CHRM2: variants seen among roughly 807,000 people sequenced by gnomAD.
CHRM2 encodes cholinergic receptor muscarinic 2.
A neutral mutation model predicts 25.0 loss-of-function variants in CHRM2; 8 were observed. The observed-to-expected ratio is 0.32, with a 90% CI of 0.19 to 0.58. The LOEUF (loss-of-function observed/expected upper bound fraction) is 0.58, where lower values mean the gene tolerates loss of function less well. Among genes scored for constraint, CHRM2 ranks in the 20% least tolerant of loss-of-function variants. The pLI, the probability that CHRM2 is intolerant of heterozygous loss-of-function variation, is 0.88. For missense variants in CHRM2, 440 were observed against 567.1 expected, an observed-to-expected ratio of 0.78 and a Z score of 2.28; for synonymous variants, 202 against 205.7, an observed-to-expected ratio of 0.98 and a Z score of 0.15.
chr7:136,962,041 C>T (rs780811014), intron 2 of CHRM2, among the ~76,000 whole-genome samples: 16 of 152,158 alleles, frequency 1.1e-4, no homozygotes, highest in Non-Finnish European at 2.2e-4. Context: ...GGAAAAGGAA[C>T]GACTGGAGGG....
At chr7:136,961,437 T>C (rs1384198618) in intron 2 of CHRM2, among the ~76,000 whole-genome samples, 1 of 152,212 alleles carries the variant, frequency 6.6e-6, no homozygotes, top group Admixed American at 6.5e-5. Flanking sequence ...TGTACTATAT[T>C]GTAAAATGTT....
chr7:136,999,927 T>C (rs548016573), intron 3 of CHRM2, among the ~76,000 whole-genome samples: 210 of 152,194 alleles, frequency 1.4e-3, no homozygotes, highest in Non-Finnish European at 2.2e-3. Flanking sequence ...TTCATGAAAA[T>C]TGTTATTATA....
intron 2 of CHRM2, among the ~76,000 whole-genome samples, chr7:136,930,648 A>T (rs1319622473): frequency 2.0e-5 from 3 of 151,994 alleles, no homozygotes; most frequent in Non-Finnish European, 4.4e-5. Context: ...CTGTAATCCC[A>T]GCACTTTGGG....
intron 2 of CHRM2, among the ~76,000 whole-genome samples, chr7:136,888,517 A>G (rs552819027): frequency 3.0e-4 from 45 of 152,138 alleles, no homozygotes; most frequent in Middle Eastern, 3.4e-3. Flanking sequence ...AGTCACACCA[A>G]TCATCAGCAT....
At position 137,020,083 on chromosome 7, in the gene CHRM2, A is replaced by G. The variant is rs1333484827; in HGVS notation, c.*3817A>G. 6.6e-6 allele frequency: 1 copy of G among 151,806 alleles called. No individual in the cohort carries two copies. The highest frequency in any genetic ancestry group is 1.5e-5 in the Non-Finnish European group (1 of 67,878). The allele number at this position is 151,806 out of a possible 1,614,324, so 9.4% of individuals were successfully genotyped here. On this transcript the variant is annotated 3_prime_UTR_variant, in exon 4 of 4. Transcript: ENST00000680005. The stretch of plus-strand genomic sequence containing the variant: ...ATATTCAATACCATGCCTCTTAAAA[A>G]TGCTTCTCTTAAAGGGTGCACGCTG...
chr7:136,913,113 T>A (rs1325609125), intron 2 of CHRM2, among the ~76,000 whole-genome samples: 1 of 152,074 alleles, frequency 6.6e-6, no homozygotes, highest in Non-Finnish European at 1.5e-5. Context: ...GCATTTATAA[T>A]ACATTAAGCT....
intron 2 of CHRM2, among the ~76,000 whole-genome samples, chr7:136,954,753 A>G (rs1248044056): frequency 6.6e-6 from 1 of 152,220 alleles, no homozygotes; most frequent in Non-Finnish European, 1.5e-5. Context: ...GACTACATCC[A>G]TGGATTCTTC....
chr7:136,917,067 C>A (rs1418027042), intron 2 of CHRM2, among the ~76,000 whole-genome samples: 1 of 151,796 alleles, frequency 6.6e-6, no homozygotes. Flanking sequence ...TTCACCAACT[C>A]CTTTTTGCAA....
intron 2 of CHRM2, among the ~76,000 whole-genome samples, chr7:136,985,504 C>CAAAAAAAAA (rs974105875): frequency 0.014 from 858 of 59,418 alleles, 1 homozygote; most frequent in Middle Eastern, 0.023. Context: ...AGTTAGACTC[C>CAAAAAAAAA]AAAAAAAAAA....
chr7:136,873,258 T>C (rs1015338746), intron 2 of CHRM2, among the ~76,000 whole-genome samples: 2 of 152,212 alleles, frequency 1.3e-5, no homozygotes, highest in Non-Finnish European at 2.9e-5. Flanking sequence ...AGTATACTGA[T>C]TGCATATCCC....
intron 2 of CHRM2, among the ~76,000 whole-genome samples, chr7:136,981,389 C>T (rs1292480452): frequency 6.6e-6 from 1 of 152,160 alleles, no homozygotes; most frequent in South Asian, 2.1e-4. Context: ...TTTTCAAAAA[C>T]CAGCTCCTGG....
intron 3 of CHRM2, among the ~76,000 whole-genome samples, chr7:137,010,684 T>C (rs963607467): frequency 6.6e-6 from 1 of 151,968 alleles, no homozygotes; most frequent in African/African-American, 2.4e-5. Flanking sequence ...ACATACAATA[T>C]TAGTATAATC....
At chr7:136,921,118 C>T (rs117943725) in intron 2 of CHRM2, among the ~76,000 whole-genome samples, 1,583 of 152,200 alleles carry the variant, frequency 0.01, 11 homozygotes, top group Middle Eastern at 0.027. Flanking sequence ...TCCTGTCGCT[C>T]AAACCTTGCT....
At chr7:136,929,295 C>A (rs758173352) in intron 2 of CHRM2, among the ~76,000 whole-genome samples, 5 of 150,184 alleles carry the variant, frequency 3.3e-5, no homozygotes, top group Non-Finnish European at 7.4e-5. Flanking sequence ...ATGAACAGAG[C>A]AAAGAAAGTG....
chr7:136,903,436 A>G (rs1161970619), intron 2 of CHRM2: 1 of 278,546 alleles, frequency 3.6e-6, no homozygotes, highest in Non-Finnish European at 7.1e-6. Context: ...ATTTTTGTGG[A>G]TATTGTTAGA....
At chr7:136,999,482 G>T (rs1049848137) in intron 3 of CHRM2, among the ~76,000 whole-genome samples, 3 of 151,640 alleles carry the variant, frequency 2.0e-5, no homozygotes, top group Non-Finnish European at 2.9e-5. Context: ...GTGCCATGTT[G>T]GTGTGCTGCA....
chr7:136,903,527 GAAGTAT>G (rs1364388697), intron 2 of CHRM2, among the ~76,000 whole-genome samples: 3 of 151,926 alleles, frequency 2.0e-5, no homozygotes, highest in African/African-American at 4.8e-5. Context: ...AGAAATGATA[GAAGTAT>G]AAGTAAAATA....
At chr7:136,940,907 A>G (rs1799734487) in intron 2 of CHRM2, among the ~76,000 whole-genome samples, 2 of 152,292 alleles carry the variant, frequency 1.3e-5, no homozygotes, top group Admixed American at 1.3e-4. Flanking sequence ...ACAACTGGGG[A>G]CATTTATCTT....
chr7:136,898,773 A>T (rs1346918428), intron 2 of CHRM2: 1 of 152,100 alleles, frequency 6.6e-6, no homozygotes. Flanking sequence ...CACACAAAGT[A>T]GTATATCAAA....
Sources: gnomAD v4.1 joint callset for allele counts (sites outside exome capture counted in the v4.1 genomes callset) on GRCh38, gnomAD v4.1.1 for gene constraint, MANE v1.5 for transcripts, NCBI Gene and HGNC (gene_info 2026-07-23, HGNC 2026-07-21) for gene names.